The following GALNT13 variants were observed in gnomAD, a reference collection of about 807,000 sequenced individuals.
GALNT13 encodes UDP-GalNAc:polypeptide N-acetylgalactosaminyltransferase 13.
GALNT13 carries 28 observed loss-of-function variants against 64.2 expected under a neutral mutation model. That is an observed-to-expected ratio of 0.44 (90% CI 0.32 to 0.60). The LOEUF (loss-of-function observed/expected upper bound fraction) is 0.60. Among genes scored for constraint, GALNT13 ranks in the 20% least tolerant of loss-of-function variants. The pLI, the probability that GALNT13 is intolerant of heterozygous loss-of-function variation, is 0.05. For synonymous variants in GALNT13, 214 were observed against 224.6 expected (o/e 0.95, Z 0.42); for missense variants, 577 against 669.8 (o/e 0.86, Z 1.53).
At chr2:153,336,214 C>T in the GALNT13 span, among the ~76,000 whole-genome samples, 163 of 152,276 alleles carry the variant, frequency 1.1e-3, 2 homozygotes, top group African/African-American at 3.6e-3. Context: ...ACACAGAGTC[C>T]TTATTGGGGC....
intron 3 of GALNT13, among the ~76,000 whole-genome samples, chr2:153,955,375 G>A (rs1309197647): frequency 2.0e-5 from 3 of 152,118 alleles, no homozygotes; most frequent in Non-Finnish European, 2.9e-5. Flanking sequence ...AAATATGGGA[G>A]TTTTATGGAC....
rs1484024390 is a variant in GALNT13, at chr2:154,174,158, A to G, written c.311+33653A>G. 2.6e-5 allele frequency among the ~76,000 whole-genome samples: 4 copies of G among 152,182 alleles called. No individual in the cohort carries two copies. The East Asian group carries it at 7.7e-4, about 29-fold the overall frequency. Reference sequence around the variant, plus strand: ...GATTTGTTGTTTGCAAAGATAATTTAAGGTACATTAAAATTACGCAGTCTC... The same window carrying G: ...GATTTGTTGTTTGCAAAGATAATTTGAGGTACATTAAAATTACGCAGTCTC... On this transcript the variant is annotated intron_variant, in intron 4 of 12. Coordinates refer to ENST00000392825, the MANE Select transcript of GALNT13 (RefSeq NM_052917.4).
At chr2:154,207,683 A>G (rs1418078332) in intron 4 of GALNT13, among the ~76,000 whole-genome samples, 1 of 152,202 alleles carries the variant, frequency 6.6e-6, no homozygotes, top group Non-Finnish European at 1.5e-5. Context: ...GATCCCAGGA[A>G]AAAGGGACAG....
chr2:153,353,228 G>A, the GALNT13 span, among the ~76,000 whole-genome samples: 6 of 151,952 alleles, frequency 3.9e-5, no homozygotes, highest in Non-Finnish European at 8.8e-5. Context: ...TAATGTAAAT[G>A]TTTTTTTATT....
chr2:153,642,387 G>C, the GALNT13 span, among the ~76,000 whole-genome samples: 1 of 151,310 alleles, frequency 6.6e-6, no homozygotes, highest in Admixed American at 6.6e-5. Context: ...TAAGAACATG[G>C]AAAAATCTAA....
At chr2:153,567,860 T>C in the GALNT13 span, among the ~76,000 whole-genome samples, 1 of 152,240 alleles carries the variant, frequency 6.6e-6, no homozygotes, top group African/African-American at 2.4e-5. Flanking sequence ...AATTCCTTGA[T>C]AGAATATTTT....
chr2:153,818,034 G>A, the GALNT13 span, among the ~76,000 whole-genome samples: 1 of 152,126 alleles, frequency 6.6e-6, no homozygotes, highest in Non-Finnish European at 1.5e-5. Context: ...CCAAGGAAGT[G>A]ACAGGACCCA....
intron 4 of GALNT13, among the ~76,000 whole-genome samples, chr2:154,155,616 T>C (rs1684367861): frequency 1.3e-5 from 2 of 152,026 alleles, no homozygotes; most frequent in Admixed American, 1.3e-4. Context: ...TAGTAAGACA[T>C]AGTTTTGTTG....
At chr2:153,438,654 C>A in the GALNT13 span, among the ~76,000 whole-genome samples, 414 of 151,920 alleles carry the variant, frequency 2.7e-3, 19 homozygotes, top group East Asian at 0.074. Context: ...ACGTAGTTCT[C>A]GTGCCATGGT....
the GALNT13 span, among the ~76,000 whole-genome samples, chr2:153,444,420 G>T: frequency 6.6e-6 from 1 of 152,166 alleles, no homozygotes; most frequent in Admixed American, 6.5e-5. Context: ...ATTGTATTTT[G>T]ACTATCATGA....
At chr2:153,965,355 A>G (rs997330132) in intron 3 of GALNT13, among the ~76,000 whole-genome samples, 1 of 151,964 alleles carries the variant, frequency 6.6e-6, no homozygotes, top group Non-Finnish European at 1.5e-5. Context: ...CTACCACATT[A>G]CCCTTCCCAG....
rs564191483 is a variant in GALNT13, at chr2:154,421,382, A to G, written c.1395+12300A>G. Among the ~76,000 whole-genome samples, 5 of 152,162 alleles carry G rather than the reference A, an allele frequency of 3.3e-5. No homozygotes were observed. In the South Asian group the frequency reaches 1.0e-3, roughly 32 times the overall value. On this transcript the variant is annotated intron_variant, in intron 11 of 12. Coordinates refer to ENST00000392825, the MANE Select transcript of GALNT13 (RefSeq NM_052917.4). ...TACACATCGATATGGCTAAAACACA[A>G]TGTTTTAGATATGTCATTTAAAGTT...
At chr2:153,296,526 TTA>T in the GALNT13 span, among the ~76,000 whole-genome samples, 1 of 152,198 alleles carries the variant, frequency 6.6e-6, no homozygotes, top group South Asian at 2.1e-4. Flanking sequence ...AGCAGATTTC[TTA>T]TACTGTTTCC....
chr2:153,345,638 T>C, the GALNT13 span, among the ~76,000 whole-genome samples: 1,232 of 66,598 alleles, frequency 0.018, 10 homozygotes, highest in Non-Finnish European at 0.022. Flanking sequence ...CCTTTCTTTT[T>C]CTTTCTTTCT....
the GALNT13 span, among the ~76,000 whole-genome samples, chr2:153,659,922 A>G: frequency 6.6e-6 from 1 of 152,152 alleles, no homozygotes; most frequent in African/African-American, 2.4e-5. Context: ...TGACATTTCA[A>G]TATGTTAGAG....
the GALNT13 span, among the ~76,000 whole-genome samples, chr2:153,310,749 G>T: frequency 6.6e-6 from 1 of 152,116 alleles, no homozygotes; most frequent in Non-Finnish European, 1.5e-5. Context: ...GGAGTCAAAA[G>T]TTACAGATGG....
chr2:154,347,296 T>C (rs557412858), intron 9 of GALNT13, among the ~76,000 whole-genome samples: 2 of 152,270 alleles, frequency 1.3e-5, no homozygotes, highest in South Asian at 4.1e-4. Context: ...TATCAATTCA[T>C]GGGAGCACAT....
chr2:154,331,049 T>C (rs1232190582), intron 9 of GALNT13, among the ~76,000 whole-genome samples: 1 of 152,090 alleles, frequency 6.6e-6, no homozygotes, highest in Non-Finnish European at 1.5e-5. Context: ...TTTATAAACA[T>C]TATGAGGACT....
intron 2 of GALNT13, among the ~76,000 whole-genome samples, chr2:153,910,252 G>A (rs1331431575): frequency 6.6e-6 from 1 of 151,984 alleles, no homozygotes; most frequent in African/African-American, 2.4e-5. Context: ...GTCTCTGATG[G>A]TTATATATGT....
Sources: gnomAD v4.1 joint callset for allele counts (sites outside exome capture counted in the v4.1 genomes callset) on GRCh38, gnomAD v4.1.1 for gene constraint, MANE v1.5 for transcripts, NCBI Gene and HGNC (gene_info 2026-07-23, HGNC 2026-07-21) for gene names.